The following DENND10 variants were observed in gnomAD, a reference collection of about 807,000 sequenced individuals.
DENND10 encodes DENN domain containing 10, also known as DENN domain-containing protein 10.
DENND10 carries 24 observed loss-of-function variants against 43.6 expected under a neutral mutation model. The observed-to-expected ratio is 0.55, with a 90% CI of 0.40 to 0.77. The LOEUF is 0.77. Ranked by LOEUF, DENND10 falls within the 30% of genes least tolerant of loss-of-function variation. DENND10 has a pLI of 0.00. For synonymous variants in DENND10, 125 were observed against 157.6 expected (o/e 0.79, Z 1.55); for missense variants, 303 against 429.9 (o/e 0.70, Z 2.61).
At chr10:119,107,816 G>A (rs546918520) in intron 1 of DENND10, 152 bp from the exon 2 acceptor site, 3 of 698,824 alleles carry the variant, frequency 4.3e-6, no homozygotes, top group Admixed American at 2.4e-5. Context: ...TTGAGCAGTA[G>A]AGATAGGTGG....
At chr10:119,131,846 A>C (rs1458442918) in intron 7 of DENND10, among the ~76,000 whole-genome samples, 1 of 152,222 alleles carries the variant, frequency 6.6e-6, no homozygotes, top group African/African-American at 2.4e-5. Context: ...GGGCCACTTA[A>C]GCAGCTGAAG....
rs780321107 is a variant in DENND10, at chr10:119,132,565, C to A, written c.853C>A (p.Gln285Lys). The A allele has an allele frequency of 6.2e-7, 1 of 1,614,170 alleles. No homozygotes were observed. The highest frequency in any genetic ancestry group is 2.2e-5 in the East Asian group (1 of 44,890). The change falls in exon 8 of 9, where the codon CAG becomes AAG. Residue 285 changes from glutamine to lysine, a missense_variant. Transcript: ENST00000361432. The surrounding 1 kb of genome is among the most constrained non-coding windows in gnomAD (Gnocchi z 4.2). ...LHKEMGQLIV[Q>K]SAEDPEKSES... ...CAAAGAAATGGGTCAGCTAATTGTT[C>A]AGTCTGCAGAAGATCCAGAGAAATC... is the stretch of plus-strand genomic sequence containing the variant.
chr10:119,114,106 G>C (rs1476172902), intron 3 of DENND10: 1 of 152,188 alleles, frequency 6.6e-6, no homozygotes, highest in Admixed American at 6.6e-5. Context: ...GGGTTTCTCA[G>C]CTTGTGCAGT....
intron 4 of DENND10, among the ~76,000 whole-genome samples, chr10:119,118,784 C>T (rs1845416719): frequency 6.6e-6 from 1 of 151,878 alleles, no homozygotes; most frequent in Admixed American, 6.6e-5. Flanking sequence ...AATCCTTCCA[C>T]CTCAGCCTCC....
intron 7 of DENND10, among the ~76,000 whole-genome samples, chr10:119,130,013 C>CTT (rs199747044): frequency 2.7e-5 from 4 of 146,610 alleles, no homozygotes; most frequent in Admixed American, 1.4e-4. Flanking sequence ...TTTTCTTCTT[C>CTT]TTTTTTTTTT....
chr10:119,107,267 T>C (rs1207461362), intron 1 of DENND10, among the ~76,000 whole-genome samples: 4 of 149,772 alleles, frequency 2.7e-5, no homozygotes, highest in African/African-American at 9.9e-5. Context: ...ACCAGTACAC[T>C]CTAGCCTGGG....
At chr10:119,127,476 CTTATT>C (rs1194663445) in intron 6 of DENND10, among the ~76,000 whole-genome samples, 5 of 151,308 alleles carry the variant, frequency 3.3e-5, no homozygotes, top group African/African-American at 7.3e-5. Flanking sequence ...TTTGTTTTAT[CTTATT>C]TTATTTTATT....
Position 119,108,182 on chromosome 10 carries a change from T to TAA in DENND10, c.252+27_252+28dup. On this transcript the variant is annotated intron_variant, in intron 2 of 8. Coordinates refer to ENST00000361432, the MANE Select transcript of DENND10 (RefSeq NM_207009.4). The stretch of plus-strand genomic sequence containing the variant: ...TGAAAAAGGTATGATTGCGTGAAGG[T>TAA]AAAAAAAAAACCCCAAAATAGGCTG... 5.6e-6 allele frequency: 8 copies of TAA among 1,416,626 alleles called. No homozygotes were observed. The highest frequency in any genetic ancestry group is 2.6e-5 in the South Asian group (2 of 76,914). The allele number at this position is 1,416,626 out of a possible 1,614,324, so 87.8% of individuals were successfully genotyped here.
chr10:119,133,141 C>T, intron 8 of DENND10: 1 of 158,034 alleles, frequency 6.3e-6, no homozygotes, highest in Admixed American at 6.0e-5. Flanking sequence ...CAGTGGGCAC[C>T]TGCTCTGCCC....
At chr10:119,115,632 G>A (rs530777831) in intron 3 of DENND10, among the ~76,000 whole-genome samples, 1 of 149,264 alleles carries the variant, frequency 6.7e-6, no homozygotes, top group Non-Finnish European at 1.5e-5. Context: ...CTCGTGATCC[G>A]CCCGCCTCGG....
At chr10:119,122,633 C>T (rs1344161728) in intron 5 of DENND10, among the ~76,000 whole-genome samples, 1 of 152,118 alleles carries the variant, frequency 6.6e-6, no homozygotes, top group Non-Finnish European at 1.5e-5. Flanking sequence ...TAGCAGGGCA[C>T]CAGGGGTTCA....
intron 6 of DENND10, among the ~76,000 whole-genome samples, chr10:119,124,811 C>G (rs1250511500): frequency 2.0e-5 from 3 of 151,884 alleles, no homozygotes; most frequent in African/African-American, 7.3e-5. Context: ...CCTGTAATCC[C>G]AGCACTTTGG....
Position 119,108,060 on chromosome 10 carries a change from A to G in DENND10, c.148A>G (p.Thr50Ala), listed in dbSNP as rs1193635802. 11 of 1,613,320 alleles carry G rather than the reference A, an allele frequency of 6.8e-6. No individual in the cohort carries two copies. The highest frequency in any genetic ancestry group is 9.3e-6 in the Non-Finnish European group (11 of 1,179,208). Residue 50 changes from threonine to alanine, a missense_variant, in exon 2 of 9, where the codon ACA becomes GCA. Thr to Ala is a moderately conservative substitution (Grantham distance 58). Transcript: ENST00000361432. ...CCTGCTGCTGAGAAAATGCTGCCTTACAGATGAAAACAAACTTCTCCATCC... is the reference window on the plus strand; with the variant it reads ...CCTGCTGCTGAGAAAATGCTGCCTTGCAGATGAAAACAAACTTCTCCATCC... ...RNLLLRKCCL[T>A]DENKLLHPFV...
chr10:119,108,648 C>A (rs963140841), intron 2 of DENND10, among the ~76,000 whole-genome samples: 80 of 151,630 alleles, frequency 5.3e-4, no homozygotes, highest in African/African-American at 1.9e-3. Flanking sequence ...GTGGTCTTTT[C>A]CCCTTTTTTT....
chr10:119,114,417 G>C (rs1845142710), intron 3 of DENND10: 1 of 152,260 alleles, frequency 6.6e-6, no homozygotes, highest in African/African-American at 2.4e-5. Context: ...ACAGCTTGCT[G>C]CTCACAGTGG....
chr10:119,123,691 C>T lies in DENND10; in HGVS notation c.694+122C>T, dbSNP rs1444776198. On this transcript the variant is annotated intron_variant, in intron 6 of 8. Transcript: ENST00000361432. Reference sequence around the variant, plus strand: ...ATGGCACGATCTTAGCTCACCGCAACGTCCGCCTTCAATTCTCCTGCCTTA... The same window carrying T: ...ATGGCACGATCTTAGCTCACCGCAATGTCCGCCTTCAATTCTCCTGCCTTA... 20 of 728,026 alleles carry T rather than the reference C, an allele frequency of 2.7e-5. No homozygotes were observed. In the Admixed American group the frequency reaches 3.6e-4, roughly 13 times the overall value. The allele number at this position is 728,026 out of a possible 1,614,324, so 45.1% of individuals were successfully genotyped here.
intron 6 of DENND10, among the ~76,000 whole-genome samples, chr10:119,128,949 A>G (rs1845957191): frequency 6.6e-6 from 1 of 152,180 alleles, no homozygotes. Context: ...TGAGGATTAC[A>G]GTTCGACATG....
chr10:119,115,533 G>GC (rs1845217656), intron 3 of DENND10, among the ~76,000 whole-genome samples: 1 of 108,762 alleles, frequency 9.2e-6, no homozygotes, highest in Admixed American at 1.0e-4. Context: ...GACGACAGGC[G>GC]CCCGCCACTA....
intron 1 of DENND10, among the ~76,000 whole-genome samples, chr10:119,104,442 C>G (rs1224081601): frequency 1.3e-5 from 2 of 151,324 alleles, no homozygotes; most frequent in Non-Finnish European, 3.0e-5. Context: ...CCGAGGGAGC[C>G]CGGGGACCTC....
Sources: allele counts gnomAD v4.1 joint callset (sites outside exome capture counted in the v4.1 genomes callset), GRCh38; gene constraint gnomAD v4.1.1; non-coding constraint Gnocchi (gnomAD v3.1); transcripts MANE v1.5; gene names NCBI Gene and HGNC (gene_info 2026-07-23, HGNC 2026-07-21).